The following ZNF644 variants were observed in gnomAD, a reference collection of about 807,000 sequenced individuals.
The protein encoded by ZNF644 is zinc finger motif enhancer binding protein 2.
In ZNF644, 20 loss-of-function variants were observed where a neutral mutation model predicts 108.0. The observed-to-expected ratio is 0.19, with a 90% CI of 0.13 to 0.27. The LOEUF (loss-of-function observed/expected upper bound fraction) is 0.27, where lower values mean the gene tolerates loss of function less well. ZNF644 is among the 10% of genes least tolerant of loss of function. ZNF644 has a pLI of 1.00. For synonymous variants in ZNF644, 542 were observed against 539.1 expected, an observed-to-expected ratio of 1.01 and a Z score of -0.08; for missense variants, 1,338 against 1,548.9, an observed-to-expected ratio of 0.86 and a Z score of 2.29.
chr1:90,947,259 T>C (rs2101014920), intron 2 of ZNF644, among the ~76,000 whole-genome samples: 1 of 152,302 alleles, frequency 6.6e-6, no homozygotes, highest in South Asian at 2.1e-4. Context: ...TATGCTTTCA[T>C]GTAATTAGAA....
chr1:90,946,273 G>C (rs1652509883), intron 2 of ZNF644, among the ~76,000 whole-genome samples: 1 of 151,956 alleles, frequency 6.6e-6, no homozygotes, highest in Non-Finnish European at 1.5e-5. Context: ...ACTTATTCTG[G>C]ATGTCACATT....
chr1:90,959,429 C>T (rs75400695), intron 2 of ZNF644, among the ~76,000 whole-genome samples: 4,088 of 152,130 alleles, frequency 0.027, 183 homozygotes, highest in African/African-American at 0.093. Flanking sequence ...AACTCATGTC[C>T]ACAGAAAAAC....
chr1:91,019,982 CCTT>C (rs1351065116), intron 1 of ZNF644, among the ~76,000 whole-genome samples: 1 of 152,100 alleles, frequency 6.6e-6, no homozygotes, highest in Non-Finnish European at 1.5e-5. Context: ...TAGATATTCA[CCTT>C]CTCATCCCAG....
chr1:90,926,974 T>A (rs987670289), intron 4 of ZNF644, among the ~76,000 whole-genome samples: 1 of 152,190 alleles, frequency 6.6e-6, no homozygotes, highest in East Asian at 1.9e-4. Flanking sequence ...CTGACTCACT[T>A]TACCAGTCCA....
chr1:90,946,075 C>T (rs1652485965), intron 2 of ZNF644, among the ~76,000 whole-genome samples: 1 of 151,908 alleles, frequency 6.6e-6, no homozygotes, highest in East Asian at 1.9e-4. Flanking sequence ...GAGATTGGGT[C>T]AAGAAGAGAA....
chr1:90,958,094 A>T (rs1653930644), intron 2 of ZNF644, among the ~76,000 whole-genome samples: 1 of 151,840 alleles, frequency 6.6e-6, no homozygotes, highest in Admixed American at 6.6e-5. Flanking sequence ...ACAGCGAGAA[A>T]CCCTGTCTCT....
intron 1 of ZNF644, among the ~76,000 whole-genome samples, chr1:91,006,267 C>G (rs922509986): frequency 6.6e-6 from 1 of 152,064 alleles, no homozygotes; most frequent in Admixed American, 6.6e-5. Flanking sequence ...TAGCCAACCA[C>G]GGCGGACAGC....
intron 1 of ZNF644, among the ~76,000 whole-genome samples, chr1:91,018,750 A>AT (rs1660642200): frequency 6.6e-6 from 1 of 152,228 alleles, no homozygotes; most frequent in South Asian, 2.1e-4. Context: ...ACAGAAAAAA[A>AT]ATGGACCTGA....
At position 91,021,994 on chromosome 1, in the gene ZNF644, T is replaced by C. The variant is rs901623383; in HGVS notation, c.-22A>G. 7.5e-6 allele frequency: 3 copies of C among 398,826 alleles called. No individual in the cohort carries two copies. The highest frequency in any genetic ancestry group is 1.3e-5 in the Non-Finnish European group (3 of 226,018). 24.7% of individuals were successfully genotyped at this position (398,826 alleles called of 1,614,324 possible). ...CAAATAACCCCTGAAACTCACAGTTTGGTGCCGTGTGCGTCAAACCGGGGC... is the reference window on the plus strand; with the variant it reads ...CAAATAACCCCTGAAACTCACAGTTCGGTGCCGTGTGCGTCAAACCGGGGC... On this transcript the variant is annotated 5_prime_UTR_variant, in exon 1 of 6. Coordinates refer to ENST00000337393, the MANE Select transcript of ZNF644 (RefSeq NM_201269.3).
intron 2 of ZNF644, among the ~76,000 whole-genome samples, chr1:90,970,456 C>T (rs1655337449): frequency 6.6e-6 from 1 of 152,152 alleles, no homozygotes; most frequent in Non-Finnish European, 1.5e-5. Flanking sequence ...GGCCTATAGA[C>T]TTTTTAAAGC....
At chr1:90,933,702 T>C (rs945318545) in intron 4 of ZNF644, among the ~76,000 whole-genome samples, 3 of 152,052 alleles carry the variant, frequency 2.0e-5, no homozygotes, top group Middle Eastern at 3.2e-3. Flanking sequence ...CCCACCTTCA[T>C]TTTAGAATTT....
intron 4 of ZNF644, among the ~76,000 whole-genome samples, chr1:90,921,277 CA>C (rs1649402250): frequency 6.6e-6 from 1 of 151,988 alleles, no homozygotes; most frequent in South Asian, 2.1e-4. Context: ...TAATGCAGCT[CA>C]TCAGTATCTG....
chr1:90,927,176 T>C (rs1301821403), intron 4 of ZNF644, among the ~76,000 whole-genome samples: 1 of 152,006 alleles, frequency 6.6e-6, no homozygotes, highest in Non-Finnish European at 1.5e-5. Flanking sequence ...TGAAAGTGTC[T>C]TCCTCTTTCT....
chr1:90,999,157 G>A (rs1658492956), intron 1 of ZNF644, among the ~76,000 whole-genome samples: 1 of 152,132 alleles, frequency 6.6e-6, no homozygotes, highest in Admixed American at 6.6e-5. Flanking sequence ...AACCTAGCAA[G>A]GCAGGCCAAC....
chr1:90,970,998 C>CAAAA (rs61253802), intron 2 of ZNF644, among the ~76,000 whole-genome samples: 13 of 92,850 alleles, frequency 1.4e-4, no homozygotes, highest in South Asian at 1.1e-3. Context: ...GACTCCATTT[C>CAAAA]AAAAAAAAAA....
intron 2 of ZNF644, among the ~76,000 whole-genome samples, chr1:90,945,216 A>C (rs1652393751): frequency 6.6e-6 from 1 of 152,136 alleles, no homozygotes; most frequent in Admixed American, 6.5e-5. Flanking sequence ...TATATCAATT[A>C]AGATTTTTAA....
chr1:90,919,139 G>A (rs566385581), intron 4 of ZNF644, among the ~76,000 whole-genome samples: 3 of 152,210 alleles, frequency 2.0e-5, no homozygotes, highest in African/African-American at 7.2e-5. Context: ...ACATTTTATA[G>A]GTCTTTGAAT....
rs560818037 is a variant in ZNF644, at chr1:90,917,305, C to T, written c.3792-315G>A. On this transcript the variant is annotated intron_variant, in intron 5 of 5. Coordinates refer to ENST00000337393, the MANE Select transcript of ZNF644 (RefSeq NM_201269.3). ...GTCATTCTTTAGAAAAGACCCTTCCCCAGTTTAGCATTCCTTAAATGGCAT... is the reference window on the plus strand; with the variant it reads ...GTCATTCTTTAGAAAAGACCCTTCCTCAGTTTAGCATTCCTTAAATGGCAT... Among the ~76,000 whole-genome samples the T allele has an allele frequency of 6.3e-4, 96 of 152,206 alleles. 1 individual carries two copies. The highest frequency in any genetic ancestry group is 2.2e-3 in the African/African-American group (92 of 41,522).
intron 2 of ZNF644, among the ~76,000 whole-genome samples, chr1:90,947,475 C>T (rs1328491625): frequency 6.6e-6 from 1 of 152,108 alleles, no homozygotes; most frequent in African/African-American, 2.4e-5. Context: ...AACCAATGTA[C>T]CTAAGTATGT....
Sources: allele counts gnomAD v4.1 joint callset (sites outside exome capture counted in the v4.1 genomes callset), GRCh38; gene constraint gnomAD v4.1.1; transcripts MANE v1.5; gene names NCBI Gene and HGNC (gene_info 2026-07-23, HGNC 2026-07-21).